Variants in ZNF90 observed in about 807,000 individuals in gnomAD.
The protein encoded by ZNF90 is zinc finger protein 90, also known as zinc finger protein HTF9.
A neutral mutation model predicts 12.0 loss-of-function variants in ZNF90; 11 were observed. The ratio of observed to expected loss-of-function variants is 0.92; its 90% CI spans 0.58 to 1.52. The LOEUF (loss-of-function observed/expected upper bound fraction) is 1.52, where lower values mean the gene tolerates loss of function less well. Among genes scored for constraint, ZNF90 ranks in the 40% most tolerant of loss-of-function variants. The probability of loss-of-function intolerance (pLI) is 0.00; values close to 1 mark genes in which losing one functional copy is unlikely to be tolerated. For synonymous variants in ZNF90, 232 were observed against 240.1 expected (o/e 0.97, Z 0.31); for missense variants, 765 against 711.5 (o/e 1.08, Z -0.86).
rs547667475 is a variant in ZNF90, at chr19:20,097,489, C to T, written c.4-6750C>T. 2.6e-4 allele frequency among the ~76,000 whole-genome samples: 40 copies of T among 152,324 alleles called. No individual in the cohort carries two copies. The South Asian group carries it at 7.3e-3, about 28-fold the overall frequency. ...AGGGCAGCAATCAGTTATTTTACCT[C>T]TTTGACTCTTGTATTTTCAGACCTG... On this transcript the variant is annotated intron_variant, in intron 1 of 3. Coordinates refer to ENST00000418063, the MANE Select transcript of ZNF90 (RefSeq NM_007138.2).
chr19:20,093,028 G>A (rs1555702890), intron 1 of ZNF90, among the ~76,000 whole-genome samples: 3 of 152,238 alleles, frequency 2.0e-5, no homozygotes, highest in Admixed American at 1.3e-4. Flanking sequence ...ACTGATGGGT[G>A]TCAGGGTCAG....
At chr19:20,113,474 A>G (rs868992019) in intron 3 of ZNF90, among the ~76,000 whole-genome samples, 11 of 151,496 alleles carry the variant, frequency 7.3e-5, no homozygotes, top group South Asian at 4.2e-4. Flanking sequence ...ATACAGGCGT[A>G]AGCCACCGCA....
intron 1 of ZNF90, among the ~76,000 whole-genome samples, chr19:20,101,732 AT>A (rs1405229577): frequency 2.6e-5 from 4 of 152,124 alleles, no homozygotes; most frequent in African/African-American, 4.8e-5. Flanking sequence ...AGAGAATGTC[AT>A]TTGATAAGGA....
chr19:20,095,335 G>T (rs1254620984), intron 1 of ZNF90, among the ~76,000 whole-genome samples: 2 of 152,114 alleles, frequency 1.3e-5, no homozygotes, highest in African/African-American at 4.8e-5. Flanking sequence ...AGCCACTGTC[G>T]ATTTGTATTG....
At chr19:20,104,119 A>G in intron 1 of ZNF90, 120 bp from the exon 2 acceptor site, 1 of 1,408,952 alleles carries the variant, frequency 7.1e-7, no homozygotes, top group Non-Finnish European at 9.6e-7. Flanking sequence ...TGGATAATTT[A>G]GTGAGTCTTG....
intron 1 of ZNF90, chr19:20,079,705 A>G (rs2088805713): frequency 5.5e-6 from 1 of 183,152 alleles, no homozygotes; most frequent in Non-Finnish European, 1.2e-5. Flanking sequence ...GTTGACTCAG[A>G]CTGAGGGTAG....
chr19:20,099,549 G>A (rs1555703620), intron 1 of ZNF90, among the ~76,000 whole-genome samples: 1 of 152,164 alleles, frequency 6.6e-6, no homozygotes, highest in Non-Finnish European at 1.5e-5. Context: ...CTGGACACTG[G>A]TGTGGCCTTC....
In ZNF90 at chr19:20,120,020, CCT is replaced by C. The variant is rs1182903847; in HGVS notation, c.*661_*662del. ...AAAGATGATTATACTAGTGTGAAACCCTAGAAATAATAGAAAATTTGACAAAT... is the reference window on the plus strand; with the variant it reads ...AAAGATGATTATACTAGTGTGAAACCAGAAATAATAGAAAATTTGACAAAT... On this transcript the variant is annotated 3_prime_UTR_variant, in exon 4 of 4. Transcript: ENST00000418063. 1.4e-4 allele frequency among the ~76,000 whole-genome samples: 22 copies of C among 152,040 alleles called. No individual in the cohort carries two copies. The highest frequency in any genetic ancestry group is 8.8e-5 in the Non-Finnish European group (6 of 68,004).
intron 3 of ZNF90, among the ~76,000 whole-genome samples, chr19:20,110,369 C>T (rs1031121184): frequency 5.3e-5 from 8 of 152,024 alleles, no homozygotes; most frequent in Admixed American, 1.3e-4. Context: ...ACCCCTGCCT[C>T]CTGGGTTCAA....
intron 1 of ZNF90, among the ~76,000 whole-genome samples, chr19:20,099,452 A>G (rs1222952729): frequency 1.8e-4 from 28 of 152,072 alleles, no homozygotes; most frequent in Admixed American, 1.7e-3. Flanking sequence ...GGAACGGTCT[A>G]TCATCCTGTC....
chr19:20,078,159 C>T lies in ZNF90; in HGVS notation c.3+24C>T, dbSNP rs755972627. 24 of 1,613,908 alleles carry T rather than the reference C, an allele frequency of 1.5e-5. 1 individual carries two copies. Among genetic ancestry groups the T allele is most frequent in the Admixed American group, 8.3e-5 (5 of 60,000 alleles). On this transcript the variant is annotated intron_variant, in intron 1 of 3. Transcript: ENST00000418063. ...TGGTGAGAGTGCCTTTCCAGCATTC[C>T]GAGAGAGGGGAGGGACTGGTTGGAA... is the stretch of plus-strand genomic sequence containing the variant.
At chr19:20,099,758 G>T (rs2088975083) in intron 1 of ZNF90, among the ~76,000 whole-genome samples, 1 of 152,200 alleles carries the variant, frequency 6.6e-6, no homozygotes. Context: ...AAAAGCAGGG[G>T]CCATTGTACA....
chr19:20,110,348 GGCTCACT>G (rs1311239552), intron 3 of ZNF90, among the ~76,000 whole-genome samples: 24 of 151,960 alleles, frequency 1.6e-4, no homozygotes, highest in African/African-American at 5.8e-4. Flanking sequence ...GTGTGATCTT[GGCTCACT>G]GCAACCCCTG....
intron 3 of ZNF90, among the ~76,000 whole-genome samples, chr19:20,112,137 A>T (rs892317804): frequency 1.3e-5 from 2 of 152,192 alleles, no homozygotes; most frequent in East Asian, 1.9e-4. Flanking sequence ...GATTACAGGC[A>T]TGAGCCGATG....
intron 3 of ZNF90, among the ~76,000 whole-genome samples, chr19:20,111,258 G>A (rs1288373120): frequency 6.6e-6 from 1 of 152,000 alleles, no homozygotes. Context: ...TTGAGATAGG[G>A]TCTCACTCTG....
chr19:20,080,322 A>G, intron 1 of ZNF90: 1 of 518,904 alleles, frequency 1.9e-6, no homozygotes, highest in East Asian at 4.8e-5. Flanking sequence ...TTGTTTTACC[A>G]GTACAACACT....
intron 1 of ZNF90, among the ~76,000 whole-genome samples, chr19:20,091,833 C>G (rs1568284411): frequency 6.6e-6 from 1 of 152,192 alleles, no homozygotes. Flanking sequence ...ATGCGTAGTC[C>G]TTTTGCAAGA....
intron 1 of ZNF90, among the ~76,000 whole-genome samples, chr19:20,097,578 A>G (rs782775826): frequency 2.0e-5 from 3 of 152,232 alleles, no homozygotes; most frequent in African/African-American, 2.4e-5. Context: ...TTGAGTAGAC[A>G]TGTAGATAAG....
intron 1 of ZNF90, among the ~76,000 whole-genome samples, chr19:20,098,305 G>A (rs1440874914): frequency 6.6e-6 from 1 of 152,160 alleles, no homozygotes; most frequent in Non-Finnish European, 1.5e-5. Flanking sequence ...GGCATTTTCT[G>A]TATTGTGAGA....
Sources: gnomAD v4.1 joint callset for allele counts (sites outside exome capture counted in the v4.1 genomes callset) on GRCh38, gnomAD v4.1.1 for gene constraint, MANE v1.5 for transcripts, NCBI Gene and HGNC (gene_info 2026-07-23, HGNC 2026-07-21) for gene names.